The following PHACTR1 variants were observed in gnomAD, a reference collection of about 807,000 sequenced individuals.
PHACTR1 encodes the protein RPEL repeat containing 1.
Under a neutral mutation model 69.2 loss-of-function variants are expected in PHACTR1, and 16 were observed. That is an observed-to-expected ratio of 0.23 (90% CI 0.16 to 0.35). The LOEUF (loss-of-function observed/expected upper bound fraction) is 0.35. PHACTR1 is among the 10% of genes least tolerant of loss of function. The probability of loss-of-function intolerance (pLI) is 1.00; values close to 1 mark genes in which losing one functional copy is unlikely to be tolerated. For missense variants in PHACTR1, 510 were observed against 734.7 expected (o/e 0.69, Z 3.54); for synonymous variants, 312 against 284.5 (o/e 1.10, Z -0.97).
At chr6:12,942,178 CA>C (rs374081173) in intron 4 of PHACTR1, among the ~76,000 whole-genome samples, 3 of 151,662 alleles carry the variant, frequency 2.0e-5, no homozygotes, top group Admixed American at 1.3e-4. Flanking sequence ...CATGCAACAA[CA>C]AAAAAAGAAG....
At chr6:13,261,102 C>T (rs1775850245) in intron 10 of PHACTR1, among the ~76,000 whole-genome samples, 1 of 152,180 alleles carries the variant, frequency 6.6e-6, no homozygotes, top group African/African-American at 2.4e-5. Flanking sequence ...ATCACCCATG[C>T]TGAGAACCAG....
intron 4 of PHACTR1, among the ~76,000 whole-genome samples, chr6:12,811,661 A>T (rs1207237124): frequency 1.3e-5 from 2 of 152,200 alleles, no homozygotes; most frequent in Admixed American, 6.5e-5. Context: ...GCCCAAATAC[A>T]TCCCACACTG....
At chr6:12,771,294 G>T (rs1021885063) in intron 4 of PHACTR1, among the ~76,000 whole-genome samples, 2 of 152,146 alleles carry the variant, frequency 1.3e-5, no homozygotes, top group Admixed American at 1.3e-4. Context: ...ATTAAGGAGA[G>T]GGGTAGATGA....
chr6:13,266,819 G>A (rs932316626), intron 10 of PHACTR1: 1 of 152,230 alleles, frequency 6.6e-6, no homozygotes. Context: ...ATCCAATCAT[G>A]TCCCACCAGG....
At chr6:13,210,488 G>A (rs996510262) in intron 8 of PHACTR1, among the ~76,000 whole-genome samples, 2 of 152,178 alleles carry the variant, frequency 1.3e-5, no homozygotes, top group Admixed American at 1.3e-4. Context: ...AGGCAGTGGG[G>A]TCCGAGCTGG....
At chr6:13,067,009 T>C (rs1561780548) in intron 5 of PHACTR1, among the ~76,000 whole-genome samples, 1 of 152,182 alleles carries the variant, frequency 6.6e-6, no homozygotes, top group Non-Finnish European at 1.5e-5. Flanking sequence ...TTGGGGCTTG[T>C]CTTTGGAAGC....
intron 4 of PHACTR1, among the ~76,000 whole-genome samples, chr6:12,946,388 C>A (rs1451291038): frequency 6.6e-6 from 1 of 151,952 alleles, no homozygotes; most frequent in African/African-American, 2.4e-5. Flanking sequence ...TTTTAGGAAG[C>A]CAATTCTGGT....
chr6:12,777,601 G>A (rs536044674), intron 4 of PHACTR1, among the ~76,000 whole-genome samples: 3 of 143,122 alleles, frequency 2.1e-5, no homozygotes, highest in Admixed American at 7.1e-5. Flanking sequence ...ATTCCATGGT[G>A]TATATATACC....
chr6:12,765,773 T>C lies in PHACTR1; in HGVS notation c.250+15983T>C, dbSNP rs116496256. Among the ~76,000 whole-genome samples the C allele has an allele frequency of 3.3e-3, 507 of 152,344 alleles. 5 individuals carry two copies. The highest frequency in any genetic ancestry group is 0.012 in the African/African-American group (484 of 41,578). On this transcript the variant is annotated intron_variant, in intron 4 of 14. Coordinates refer to ENST00000332995, the MANE Select transcript of PHACTR1 (RefSeq NM_030948.6). Reference sequence around the variant, plus strand: ...AAGAAAGGGTTATTTTGATTTTTACTCATGTTATATTATGGTTGCAATATC... The same window carrying C: ...AAGAAAGGGTTATTTTGATTTTTACCCATGTTATATTATGGTTGCAATATC...
intron 11 of PHACTR1, chr6:13,274,460 C>G (rs1778463786): frequency 6.6e-6 from 1 of 152,176 alleles, no homozygotes; most frequent in African/African-American, 2.4e-5. Flanking sequence ...TATAAACTTC[C>G]CATTGTTGGA....
rs9357629 is a variant in PHACTR1 at position 13,183,927 on chromosome 6, G to C, written c.664+1241G>C. Among the ~76,000 whole-genome samples the C allele has an allele frequency of 8.5e-3, 1,297 of 152,312 alleles. 62 individuals carry two copies. The East Asian group carries it at 0.13, about 15-fold the overall frequency. ...CACCCAATGACAACTCTTCATGAAA[G>C]CCAGTCAGGGGTTCCCCCATGAAAG... On this transcript the variant is annotated intron_variant, in intron 7 of 14. Transcript: ENST00000332995.
In PHACTR1 at chr6:13,247,364, T is replaced by TGTGTGTGTGTGA. The variant is rs1554171040; in HGVS notation, c.1391+17172_1391+17173insTGTGTGTGTGAG. ...GTGTGTGTGTGTGTGTGTGTGTGTG[T>TGTGTGTGTGTGA]GACGGAGTTTCATTTTTGTCCCCCA... is the stretch of plus-strand genomic sequence containing the variant. On this transcript the variant is annotated intron_variant, in intron 10 of 14. Transcript: ENST00000332995. Among the ~76,000 whole-genome samples the TGTGTGTGTGTGA allele has an allele frequency of 1.9e-3, 279 of 150,058 alleles. 1 individual carries two copies. Among genetic ancestry groups the TGTGTGTGTGTGA allele is most frequent in the African/African-American group, 6.7e-3 (271 of 40,722 alleles).
intron 4 of PHACTR1, among the ~76,000 whole-genome samples, chr6:12,919,355 C>G (rs1439097367): frequency 6.6e-6 from 1 of 151,988 alleles, no homozygotes; most frequent in Non-Finnish European, 1.5e-5. Context: ...GTTGGCCAGG[C>G]TAGTCTCAAA....
In PHACTR1 at chr6:12,855,470, C is replaced by A. The variant is rs75506162; in HGVS notation, c.250+105680C>A. On this transcript the variant is annotated intron_variant, in intron 4 of 14. Transcript: ENST00000332995. ...CTGTCTCTATGAGACAAAAAACAAA[C>A]CCTAAAATTATGTCTTTTGCAGCAA... is the stretch of plus-strand genomic sequence containing the variant. Among the ~76,000 whole-genome samples the A allele has an allele frequency of 6.3e-3, 963 of 152,238 alleles. 6 individuals carry two copies. The highest frequency in any genetic ancestry group is 0.011 in the Non-Finnish European group (717 of 68,018).
chr6:12,737,245 G>T (rs2127579936), intron 3 of PHACTR1, among the ~76,000 whole-genome samples: 1 of 152,142 alleles, frequency 6.6e-6, no homozygotes, highest in African/African-American at 2.4e-5. Flanking sequence ...TTAGACAACT[G>T]CAGCACAATG....
In PHACTR1 at chr6:13,018,226, A is replaced by G. The variant is rs1198693892; in HGVS notation, c.251-35139A>G. On this transcript the variant is annotated intron_variant, in intron 4 of 14. Transcript: ENST00000332995. ...CCCTCATTTTGCAGGTGAGAAAATG[A>G]AGATGCATAAGGATTAAGTGAGCAG... 3.9e-5 allele frequency among the ~76,000 whole-genome samples: 6 copies of G among 152,168 alleles called. No individual in the cohort carries two copies. The East Asian group carries it at 1.2e-3, about 29-fold the overall frequency.
chr6:13,180,522 C>T (rs903111080), intron 6 of PHACTR1, among the ~76,000 whole-genome samples: 15 of 152,182 alleles, frequency 9.9e-5, no homozygotes, highest in African/African-American at 3.6e-4. Flanking sequence ...GTACTCTTAA[C>T]TGTTAAAATG....
At chr6:13,173,162 A>C (rs1249439067) in intron 6 of PHACTR1, among the ~76,000 whole-genome samples, 1 of 152,268 alleles carries the variant, frequency 6.6e-6, no homozygotes, top group Non-Finnish European at 1.5e-5. Context: ...GAAAAGTCCA[A>C]AAGTGCCAAA....
At chr6:12,772,702 A>G (rs893624232) in intron 4 of PHACTR1, among the ~76,000 whole-genome samples, 2 of 152,206 alleles carry the variant, frequency 1.3e-5, no homozygotes, top group Non-Finnish European at 2.9e-5. Flanking sequence ...CAGCAAATAT[A>G]CTAATTGAGC....
Sources: allele counts gnomAD v4.1 joint callset (sites outside exome capture counted in the v4.1 genomes callset), GRCh38; gene constraint gnomAD v4.1.1; transcripts MANE v1.5; gene names NCBI Gene and HGNC (gene_info 2026-07-23, HGNC 2026-07-21).